Variants in SUMF1 observed in about 807,000 individuals in gnomAD.
SUMF1 encodes formylglycine-generating enzyme.
SUMF1 carries 48 observed loss-of-function variants against 47.6 expected under a neutral mutation model. The ratio of observed to expected loss-of-function variants is 1.01; its 90% CI spans 0.80 to 1.28. The LOEUF (loss-of-function observed/expected upper bound fraction) is 1.28, where lower values mean the gene tolerates loss of function less well. Ranked by LOEUF, SUMF1 falls within the 50% of genes most tolerant of loss-of-function variation. The pLI is 0.00. For synonymous variants in SUMF1, 230 were observed against 192.1 expected (o/e 1.20, Z -1.63); for missense variants, 571 against 485.4 (o/e 1.18, Z -1.66).
At chr3:4,266,228 C>T (rs1161384908) in intron 8 of SUMF1, among the ~76,000 whole-genome samples, 5 of 152,046 alleles carry the variant, frequency 3.3e-5, no homozygotes, top group Non-Finnish European at 5.9e-5. Flanking sequence ...TTTTTGGTTC[C>T]GTATGAACTT....
At chr3:4,316,840 C>T (rs1160727787) in intron 8 of SUMF1, 2 of 1,550,090 alleles carry the variant, frequency 1.3e-6, no homozygotes, top group Non-Finnish European at 8.7e-7. Flanking sequence ...TTTCTGAATC[C>T]CGGTGAAACC....
At chr3:4,459,121 T>C (rs2079743620) in intron 1 of SUMF1, among the ~76,000 whole-genome samples, 3 of 152,174 alleles carry the variant, frequency 2.0e-5, no homozygotes. Flanking sequence ...TAGTGATGTA[T>C]TGCACAGAGT....
intron 8 of SUMF1, among the ~76,000 whole-genome samples, chr3:4,216,906 A>C (rs1695937689): frequency 6.6e-6 from 1 of 152,192 alleles, no homozygotes; most frequent in Non-Finnish European, 1.5e-5. Context: ...ATGCTGTTAC[A>C]CTGTTGGTGG....
At chr3:4,196,630 T>C (rs1381570217) in intron 8 of SUMF1, among the ~76,000 whole-genome samples, 1 of 152,106 alleles carries the variant, frequency 6.6e-6, no homozygotes, top group Non-Finnish European at 1.5e-5. Flanking sequence ...TAAAGTACTA[T>C]TCTACACTCT....
intron 9 of SUMF1, among the ~76,000 whole-genome samples, chr3:4,052,948 C>T (rs1695138274): frequency 6.6e-6 from 1 of 152,188 alleles, no homozygotes; most frequent in Non-Finnish European, 1.5e-5. Context: ...TAGAGCGGCA[C>T]TTTTAATGTC....
intron 8 of SUMF1, among the ~76,000 whole-genome samples, chr3:4,296,178 T>TTCTTA (rs1697846220): frequency 6.6e-6 from 1 of 152,090 alleles, no homozygotes; most frequent in South Asian, 2.1e-4. Context: ...CCATTATTAC[T>TTCTTA]GTATTATTAT....
chr3:4,313,727 C>CTG, intron 8 of SUMF1: 1 of 1,614,052 alleles, frequency 6.2e-7, no homozygotes, highest in Admixed American at 1.7e-5. Context: ...TCAGCCCCTT[C>CTG]TGTGTTCCCC....
At chr3:4,078,218 C>A (rs1252679215) in intron 8 of SUMF1, among the ~76,000 whole-genome samples, 1 of 152,072 alleles carries the variant, frequency 6.6e-6, no homozygotes, top group East Asian at 1.9e-4. Flanking sequence ...AATCTATGGG[C>A]ATCCCTCAAA....
intron 8 of SUMF1, among the ~76,000 whole-genome samples, chr3:4,162,148 G>T (rs1372125151): frequency 6.6e-6 from 1 of 152,028 alleles, no homozygotes; most frequent in Non-Finnish European, 1.5e-5. Context: ...TCTGTCTAAT[G>T]CCCTATCCTG....
At chr3:4,065,600 C>G (rs1407431601) in intron 9 of SUMF1, among the ~76,000 whole-genome samples, 3 of 152,050 alleles carry the variant, frequency 2.0e-5, no homozygotes, top group Non-Finnish European at 4.4e-5. Context: ...TTTATTAAAG[C>G]AGTGCTAATT....
At chr3:4,459,406 GA>G (rs1286206595) in intron 1 of SUMF1, among the ~76,000 whole-genome samples, 2 of 151,980 alleles carry the variant, frequency 1.3e-5, no homozygotes, top group Non-Finnish European at 2.9e-5. Flanking sequence ...GGACTAGTTG[GA>G]AAAAAAGAGA....
At chr3:4,287,982 C>CT (rs1697668496) in intron 8 of SUMF1, among the ~76,000 whole-genome samples, 1 of 152,206 alleles carries the variant, frequency 6.6e-6, no homozygotes, top group Admixed American at 6.5e-5. Context: ...TTCTGCTCAT[C>CT]TTTTTAGCTC....
intron 8 of SUMF1, among the ~76,000 whole-genome samples, chr3:4,145,191 TA>T (rs35699553): frequency 0.011 from 965 of 90,472 alleles, 4 homozygotes; most frequent in African/African-American, 0.022. Flanking sequence ...AAACTCCGTC[TA>T]AAAAAAAAAA....
intron 8 of SUMF1, among the ~76,000 whole-genome samples, chr3:4,199,118 A>C (rs1695489955): frequency 6.6e-6 from 1 of 152,072 alleles, no homozygotes; most frequent in Non-Finnish European, 1.5e-5. Flanking sequence ...ACTTTCTATC[A>C]CTCAAAAAGT....
intron 3 of SUMF1, among the ~76,000 whole-genome samples, chr3:4,421,677 T>C (rs1359169845): frequency 1.3e-5 from 2 of 152,110 alleles, no homozygotes; most frequent in Non-Finnish European, 2.9e-5. Flanking sequence ...GAGATGGGGT[T>C]TTGCCATGTT....
At chr3:4,459,046 G>C (rs1184081305) in intron 1 of SUMF1, among the ~76,000 whole-genome samples, 2 of 152,264 alleles carry the variant, frequency 1.3e-5, no homozygotes, top group Non-Finnish European at 2.9e-5. Flanking sequence ...GAGAGGGGAA[G>C]ATGGGGAAAG....
chr3:4,466,653 T>G (rs2079954480), intron 1 of SUMF1, among the ~76,000 whole-genome samples: 1 of 152,122 alleles, frequency 6.6e-6, no homozygotes, highest in Non-Finnish European at 1.5e-5. Context: ...ATTCCGTTAA[T>G]AAGAGAGGAA....
At chr3:4,333,522 C>A (rs531715877) in intron 8 of SUMF1, among the ~76,000 whole-genome samples, 22 of 152,150 alleles carry the variant, frequency 1.4e-4, no homozygotes, top group Admixed American at 5.2e-4. Context: ...AAACACAGGT[C>A]CCCCAAAATT....
intron 8 of SUMF1, among the ~76,000 whole-genome samples, chr3:4,289,049 T>A (rs1697690682): frequency 1.3e-5 from 2 of 152,230 alleles, no homozygotes; most frequent in South Asian, 4.1e-4. Context: ...CATAATTTGC[T>A]CCTGGTGGGC....
Sources: allele counts gnomAD v4.1 joint callset (sites outside exome capture counted in the v4.1 genomes callset), GRCh38; gene constraint gnomAD v4.1.1; transcripts MANE v1.5; gene names NCBI Gene and HGNC (gene_info 2026-07-23, HGNC 2026-07-21).